Variants in GRAMD4 observed in about 807,000 individuals in gnomAD.
The protein encoded by GRAMD4 is GRAM domain containing 4.
A neutral mutation model predicts 83.9 loss-of-function variants in GRAMD4; 25 were observed. That is an observed-to-expected ratio of 0.30 (90% CI 0.22 to 0.42). The LOEUF (loss-of-function observed/expected upper bound fraction) is 0.42, where lower values mean the gene tolerates loss of function less well. Ranked by LOEUF, GRAMD4 falls within the 10% of genes least tolerant of loss-of-function variation. The pLI, the probability that GRAMD4 is intolerant of heterozygous loss-of-function variation, is 1.00. For synonymous variants in GRAMD4, 336 were observed against 320.9 expected, an observed-to-expected ratio of 1.05 and a Z score of -0.50; for missense variants, 593 against 788.7, an observed-to-expected ratio of 0.75 and a Z score of 2.97.
intron 1 of GRAMD4, among the ~76,000 whole-genome samples, chr22:46,594,289 C>T (rs1443736802): frequency 1.3e-5 from 2 of 151,742 alleles, no homozygotes; most frequent in East Asian, 3.9e-4. Flanking sequence ...TACCCACAGG[C>T]CATACCTGCC....
chr22:46,647,544 G>C (rs1489702129), intron 3 of GRAMD4, among the ~76,000 whole-genome samples: 2 of 152,246 alleles, frequency 1.3e-5, no homozygotes, highest in Non-Finnish European at 2.9e-5. Flanking sequence ...CTGGGATGAA[G>C]TCAGAGAGGG....
intron 10 of GRAMD4, 31 bp downstream of exon 10, chr22:46,666,904 C>A: frequency 2.0e-6 from 3 of 1,494,780 alleles, no homozygotes; most frequent in Non-Finnish European, 2.7e-6. Flanking sequence ...CGGTCTCCTC[C>A]GACTGTCTCC....
chr22:46,596,217 A>G (rs2081260798), intron 1 of GRAMD4, among the ~76,000 whole-genome samples: 1 of 152,228 alleles, frequency 6.6e-6, no homozygotes, highest in African/African-American at 2.4e-5. Context: ...TCCCGTGGAT[A>G]GGGACTCTGG....
At chr22:46,617,148 GTA>G, upstream of GRAMD4, among the ~76,000 whole-genome samples, 1 of 144,876 alleles carries the variant, frequency 6.9e-6, no homozygotes, top group Non-Finnish European at 1.5e-5. Flanking sequence ...CCCTGTGTGT[GTA>G]GGTTCCCCCG....
In GRAMD4 at chr22:46,648,931, GATGC is replaced by G. The variant is rs1205975724; in HGVS notation, c.284-9252_284-9249del. On this transcript the variant is annotated intron_variant, in intron 3 of 18. Transcript: ENST00000406902. ...GGATGGATGGATGGATGGATGGATG[GATGC>G]ATGGATGGATGGATGGATGGATGGA... Among the ~76,000 whole-genome samples, 383 of 115,794 alleles carry G rather than the reference GATGC, an allele frequency of 3.3e-3. 26 individuals carry two copies. The highest frequency in any genetic ancestry group is 0.015 in the African/African-American group (352 of 23,340). The allele number at this position is 115,794 out of a possible 152,430, so 76.0% of individuals were successfully genotyped here.
At chr22:46,618,631 A>G (rs978152660), upstream of GRAMD4, among the ~76,000 whole-genome samples, 1 of 152,154 alleles carries the variant, frequency 6.6e-6, no homozygotes, top group Non-Finnish European at 1.5e-5. The surrounding 1 kb of genome is among the most constrained non-coding windows in gnomAD (Gnocchi z 5.8). Flanking sequence ...TTGCCTTTGA[A>G]GGCCTCACCA....
upstream of GRAMD4, among the ~76,000 whole-genome samples, chr22:46,576,237 C>T (rs2081041814): frequency 6.6e-6 from 1 of 152,178 alleles, no homozygotes; most frequent in African/African-American, 2.4e-5. Context: ...CTCCTCCACC[C>T]TCCCACCCCA....
chr22:46,678,746 G>A lies in GRAMD4; in HGVS notation c.*1495G>A. Reference sequence around the variant, plus strand: ...TCTTTGCTCCGATCCTCATTTGCTGGTGTGGGTGAGGGATCCGGCGGCATG... The same window carrying A: ...TCTTTGCTCCGATCCTCATTTGCTGATGTGGGTGAGGGATCCGGCGGCATG... On this transcript the variant is annotated 3_prime_UTR_variant, in exon 19 of 19. Transcript: ENST00000406902. The A allele has an allele frequency of 2.0e-6, 2 of 985,936 alleles. No homozygotes were observed. Among genetic ancestry groups the A allele is most frequent in the Non-Finnish European group, 2.4e-6 (2 of 829,996 alleles). 61.1% of individuals were successfully genotyped at this position (985,936 alleles called of 1,614,324 possible).
chr22:46,604,428 C>T (rs957042619), intron 1 of GRAMD4, among the ~76,000 whole-genome samples: 1 of 152,256 alleles, frequency 6.6e-6, no homozygotes, highest in African/African-American at 2.4e-5. Flanking sequence ...TTAACCATTT[C>T]GGAGTGTGTC....
chr22:46,576,435 C>T (rs959885416), upstream of GRAMD4, among the ~76,000 whole-genome samples: 1 of 152,160 alleles, frequency 6.6e-6, no homozygotes, highest in East Asian at 1.9e-4. Flanking sequence ...GAGTGGGTCC[C>T]CTCTACGGGT....
intron 1 of GRAMD4, among the ~76,000 whole-genome samples, chr22:46,603,561 G>A (rs1234702807): frequency 4.6e-5 from 6 of 130,370 alleles, no homozygotes; most frequent in Non-Finnish European, 9.4e-5. Context: ...CTGTCACCCA[G>A]GCTGGAGTGC....
At chr22:46,593,774 A>G (rs2081233542) in intron 1 of GRAMD4, among the ~76,000 whole-genome samples, 1 of 151,840 alleles carries the variant, frequency 6.6e-6, no homozygotes, top group Admixed American at 6.6e-5. Flanking sequence ...CCCAGGCTGG[A>G]GTGCAGTGGC....
intron 3 of GRAMD4, among the ~76,000 whole-genome samples, chr22:46,643,164 C>T (rs1601620050): frequency 7.3e-5 from 11 of 151,466 alleles, no homozygotes; most frequent in African/African-American, 9.7e-5. Flanking sequence ...TCCATCCATC[C>T]ATCCATCCAT....
In GRAMD4 at chr22:46,678,124, G is replaced by A; in HGVS notation, c.*873G>A. 1 of 985,658 alleles carries A rather than the reference G, an allele frequency of 1.0e-6. No homozygotes were observed. The highest frequency in any genetic ancestry group is 1.7e-5 in the African/African-American group (1 of 57,384). 61.1% of individuals were successfully genotyped at this position (985,658 alleles called of 1,614,324 possible). ...AGAACATCCGCGAAGGCTGTTGGAG[G>A]TGCTCCGAGCACTGTGGCATGTCTG... On this transcript the variant is annotated 3_prime_UTR_variant, in exon 19 of 19. Coordinates refer to ENST00000406902, the MANE Select transcript of GRAMD4 (RefSeq NM_015124.5).
At chr22:46,651,332 G>A (rs568578154) in intron 3 of GRAMD4, among the ~76,000 whole-genome samples, 1 of 152,294 alleles carries the variant, frequency 6.6e-6, no homozygotes, top group South Asian at 2.1e-4. Context: ...GCCGGCCCTC[G>A]ACCCTGGAAG....
intron 2 of GRAMD4, among the ~76,000 whole-genome samples, chr22:46,630,571 G>A (rs1032696470): frequency 2.6e-5 from 4 of 152,332 alleles, no homozygotes; most frequent in Admixed American, 1.3e-4. Flanking sequence ...GGTTCAGACC[G>A]GAGCCCACCT....
chr22:46,616,039 TAGGTTCCCCTGTGCGTGTCGGTTCCCCC>T (rs2081484751), upstream of GRAMD4, among the ~76,000 whole-genome samples: 1 of 105,090 alleles, frequency 9.5e-6, no homozygotes, highest in Admixed American at 1.0e-4. Flanking sequence ...CCCCCATGTG[TAGGTTCCCCTGTGCGTGTCGGTTCCCCC>T]GTGTGTAGGT....
intron 3 of GRAMD4, among the ~76,000 whole-genome samples, chr22:46,649,594 A>G (rs2082135285): frequency 6.6e-6 from 1 of 152,210 alleles, no homozygotes. Context: ...ATGTACCTAA[A>G]ACGGTGGTTG....
chr22:46,585,559 C>T (rs58318680), intron 1 of GRAMD4, among the ~76,000 whole-genome samples: 3,507 of 152,328 alleles, frequency 0.023, 147 homozygotes, highest in African/African-American at 0.081. Context: ...TCACAGCACC[C>T]CAAGGCCCTT....
Sources: allele counts gnomAD v4.1 joint callset (sites outside exome capture counted in the v4.1 genomes callset), GRCh38; gene constraint gnomAD v4.1.1; non-coding constraint Gnocchi (gnomAD v3.1); transcripts MANE v1.5; gene names NCBI Gene and HGNC (gene_info 2026-07-23, HGNC 2026-07-21).